The following CNTNAP2 variants were observed in gnomAD, a reference collection of about 807,000 sequenced individuals.
CNTNAP2 encodes the protein contactin-associated protein-like 2.
CNTNAP2 carries 98 observed loss-of-function variants against 155.2 expected under a neutral mutation model. The observed-to-expected ratio is 0.63, with a 90% CI of 0.54 to 0.75. The LOEUF (loss-of-function observed/expected upper bound fraction) is 0.75. CNTNAP2 is among the 30% of genes least tolerant of loss of function. The pLI is 0.00. For synonymous variants in CNTNAP2, 651 were observed against 631.2 expected (o/e 1.03, Z -0.47); for missense variants, 1,727 against 1,688.1 (o/e 1.02, Z -0.40).
Position 147,977,935 on chromosome 7 carries a change from C to T in CNTNAP2, c.2329C>T (p.Arg777Cys), listed in dbSNP as rs1375981068. Residue 777 changes from arginine (R) to cysteine (C), a missense_variant, in exon 15 of 24, where the codon CGT (arginine) becomes TGT (cysteine). Coordinates refer to ENST00000361727, the MANE Select transcript of CNTNAP2 (RefSeq NM_014141.6). ...VSQVVVGDTD[R>C]QGSEAKLSVG... ...CCAAGTGGTGGTTGGAGATACTGAC[C>T]GTCAAGGCTCAGAAGCCAAATTGAG... The T allele has an allele frequency of 2.5e-6, 4 of 1,614,032 alleles. No homozygotes were observed. The highest frequency in any genetic ancestry group is 2.2e-5 in the East Asian group (1 of 44,868).
At chr7:148,333,781 GCT>G (rs1471803084) in intron 21 of CNTNAP2, among the ~76,000 whole-genome samples, 1 of 152,212 alleles carries the variant, frequency 6.6e-6, no homozygotes, top group Non-Finnish European at 1.5e-5. Context: ...TCCTGGAGAG[GCT>G]CTTTCTGTGC....
At chr7:148,001,590 T>C (rs996944606) in intron 15 of CNTNAP2, among the ~76,000 whole-genome samples, 6 of 152,238 alleles carry the variant, frequency 3.9e-5, no homozygotes, top group Non-Finnish European at 7.3e-5. Context: ...TTAGGACTCT[T>C]CTTGCTCAAG....
intron 12 of CNTNAP2, among the ~76,000 whole-genome samples, chr7:147,604,272 G>C (rs10239418): frequency 0.68 from 101,871 of 150,594 alleles, 34,900 homozygotes; most frequent in African/African-American, 0.76. Flanking sequence ...AAACTACCAT[G>C]AGAGTGAACA....
At chr7:147,338,266 C>T (rs373600182) in intron 9 of CNTNAP2, among the ~76,000 whole-genome samples, 3 of 152,100 alleles carry the variant, frequency 2.0e-5, no homozygotes, top group South Asian at 4.1e-4. Flanking sequence ...ATCACGAGAA[C>T]AGCATGGGAT....
intron 3 of CNTNAP2, among the ~76,000 whole-genome samples, chr7:146,987,414 T>G (rs1798132114): frequency 6.6e-6 from 1 of 152,044 alleles, no homozygotes. Flanking sequence ...TAAATACAAA[T>G]AAATGAAAAT....
chr7:147,483,387 C>A (rs540543239), intron 10 of CNTNAP2, among the ~76,000 whole-genome samples: 2 of 152,046 alleles, frequency 1.3e-5, no homozygotes, highest in Non-Finnish European at 2.9e-5. Flanking sequence ...GTGGAACAAT[C>A]CCCTCACAGA....
At chr7:147,693,238 T>A (rs1336470856) in intron 13 of CNTNAP2, among the ~76,000 whole-genome samples, 1 of 152,114 alleles carries the variant, frequency 6.6e-6, no homozygotes, top group Non-Finnish European at 1.5e-5. Context: ...CCACACTGTC[T>A]TATTACTTTA....
At chr7:148,250,842 G>A (rs185473447) in intron 20 of CNTNAP2, among the ~76,000 whole-genome samples, 21 of 152,120 alleles carry the variant, frequency 1.4e-4, no homozygotes, top group African/African-American at 4.6e-4. Flanking sequence ...TTTTTGTTTT[G>A]CTTTGTTTTT....
chr7:147,165,630 A>C (rs956535022), intron 8 of CNTNAP2, among the ~76,000 whole-genome samples: 2 of 152,174 alleles, frequency 1.3e-5, no homozygotes, highest in African/African-American at 2.4e-5. Flanking sequence ...TTTTAGATTT[A>C]AGTCCTTGAT....
intron 1 of CNTNAP2, among the ~76,000 whole-genome samples, chr7:146,183,395 G>A (rs1169943691): frequency 2.0e-5 from 3 of 151,930 alleles, no homozygotes; most frequent in East Asian, 1.9e-4. Context: ...AACTTTCATG[G>A]CCTTCCAGCA....
chr7:147,796,335 A>G (rs898280691), intron 13 of CNTNAP2, among the ~76,000 whole-genome samples: 1 of 152,190 alleles, frequency 6.6e-6, no homozygotes, highest in African/African-American at 2.4e-5. Context: ...TGAAAGGGAG[A>G]ATAAACACAG....
intron 3 of CNTNAP2, among the ~76,000 whole-genome samples, chr7:146,971,685 G>T (rs1276877601): frequency 1.3e-5 from 2 of 152,030 alleles, no homozygotes; most frequent in African/African-American, 4.8e-5. Flanking sequence ...CCTCATATGG[G>T]AGAAGTGGAG....
intron 9 of CNTNAP2, among the ~76,000 whole-genome samples, chr7:147,308,399 C>T (rs1330005707): frequency 6.6e-6 from 1 of 152,104 alleles, no homozygotes; most frequent in East Asian, 1.9e-4. Context: ...GCAACTATTG[C>T]AGTAATCCAG....
intron 1 of CNTNAP2, among the ~76,000 whole-genome samples, chr7:146,379,943 ACAGAGC>A (rs2129104659): frequency 6.6e-6 from 1 of 152,336 alleles, no homozygotes; most frequent in East Asian, 1.9e-4. Flanking sequence ...ATCAACACTT[ACAGAGC>A]CTGAAGTTAT....
intron 1 of CNTNAP2, among the ~76,000 whole-genome samples, chr7:146,381,973 T>C (rs1273863172): frequency 6.6e-6 from 1 of 152,196 alleles, no homozygotes; most frequent in Non-Finnish European, 1.5e-5. Flanking sequence ...CATATGATAA[T>C]AACTTCTTTG....
chr7:146,799,839 G>A (rs769592790), intron 2 of CNTNAP2, among the ~76,000 whole-genome samples: 17 of 152,046 alleles, frequency 1.1e-4, no homozygotes, highest in Non-Finnish European at 1.8e-4. Flanking sequence ...TTTGATAATT[G>A]CACCTATCTC....
At position 147,097,900 on chromosome 7, in the gene CNTNAP2, G is replaced by C. The variant is rs186100055; in HGVS notation, c.551-10247G>C. 4.9e-3 allele frequency among the ~76,000 whole-genome samples: 741 copies of C among 152,272 alleles called. 2 individuals are homozygous for C. Among genetic ancestry groups the C allele is most frequent in the Middle Eastern group, 0.01 (3 of 294 alleles). The stretch of plus-strand genomic sequence containing the variant: ...ATTTCATTTTAAATTCTGAGGCTTT[G>C]TAATATTGGATTTATCATACACCTG... On this transcript the variant is annotated intron_variant, in intron 4 of 23. Transcript: ENST00000361727.
intron 3 of CNTNAP2, among the ~76,000 whole-genome samples, chr7:147,025,302 T>A (rs1437972789): frequency 1.2e-5 from 1 of 80,096 alleles, no homozygotes; most frequent in Non-Finnish European, 2.5e-5. Flanking sequence ...AAGGAAAGGA[T>A]AGGAGAGGGG....
chr7:146,630,997 A>G (rs951117017), intron 1 of CNTNAP2, among the ~76,000 whole-genome samples: 13 of 152,142 alleles, frequency 8.5e-5, no homozygotes, highest in Non-Finnish European at 1.6e-4. Context: ...AGTAATTTAC[A>G]GGTTCAATGT....
Sources: gnomAD v4.1 joint callset for allele counts (sites outside exome capture counted in the v4.1 genomes callset) on GRCh38, gnomAD v4.1.1 for gene constraint, MANE v1.5 for transcripts, NCBI Gene and HGNC (gene_info 2026-07-23, HGNC 2026-07-21) for gene names.